The following CRHR2 variants were observed in gnomAD, a reference collection of about 807,000 sequenced individuals.
CRHR2 encodes corticotropin-releasing hormone receptor 2.
In CRHR2, 53 loss-of-function variants were observed where a neutral mutation model predicts 57.9. The ratio of observed to expected loss-of-function variants is 0.92; its 90% CI spans 0.73 to 1.15. The LOEUF (loss-of-function observed/expected upper bound fraction) is 1.15, where lower values mean the gene tolerates loss of function less well. CRHR2 is among the 50% of genes most tolerant of loss of function. The pLI is 0.00. For synonymous variants in CRHR2, 213 were observed against 220.9 expected, an observed-to-expected ratio of 0.96 and a Z score of 0.32; for missense variants, 532 against 542.6, an observed-to-expected ratio of 0.98 and a Z score of 0.19.
In CRHR2 at chr7:30,665,032, C is replaced by G. The variant is rs745790176; in HGVS notation, c.543+38G>C. 6.5e-7 allele frequency: 1 copy of G among 1,550,196 alleles called. No individual in the cohort carries two copies. The highest frequency in any genetic ancestry group is 1.1e-5 in the South Asian group (1 of 89,738). ...AGATGGGTGCCCCCGGAGCCCAGAGCCCCCCAGGTATAGCCCCGAGTCTCC... is the reference window on the plus strand; with the variant it reads ...AGATGGGTGCCCCCGGAGCCCAGAGGCCCCCAGGTATAGCCCCGAGTCTCC... On this transcript the variant is annotated intron_variant, in intron 5 of 11. Transcript: ENST00000471646. The surrounding 1 kb of genome is among the most constrained non-coding windows in gnomAD (Gnocchi z 4.5).
chr7:30,660,574 AG>A lies in CRHR2; in HGVS notation c.829del (p.Leu277Ter). On this transcript the variant is annotated frameshift_variant and splice_region_variant, in exon 8 of 12. Coordinates refer to ENST00000471646, the MANE Select transcript of CRHR2 (RefSeq NM_001883.5). LOFTEE classifies it high-confidence loss of function. Reference sequence around the variant, plus strand: ...TCCCAGCCACCGCTGAGGGCTTACCAGGAGCACGAGAATGATGGGGCCTTGG... The same window carrying A: ...TCCCAGCCACCGCTGAGGGCTTACCAGAGCACGAGAATGATGGGGCCTTGG... Reference protein sequence around the residue: ...IYQGPIILVLLINFVFLFNIV... With the variant: ...IYQGPIILVLXINFVFLFNIV... 6.4e-7 allele frequency: 1 copy of A among 1,561,758 alleles called. No individual in the cohort carries two copies. Among genetic ancestry groups the A allele is most frequent in the East Asian group, 2.4e-5 (1 of 41,962 alleles).
At chr7:30,694,865 G>C (rs1034511615) in intron 1 of CRHR2, among the ~76,000 whole-genome samples, 1 of 146,228 alleles carries the variant, frequency 6.8e-6, no homozygotes, top group East Asian at 2.0e-4. Context: ...GGGAAGAAAG[G>C]AGGAAGGAGG....
chr7:30,679,492 G>A (rs1784626639), intron 2 of CRHR2, among the ~76,000 whole-genome samples: 1 of 152,180 alleles, frequency 6.6e-6, no homozygotes, highest in African/African-American at 2.4e-5. Context: ...TGGATACAAA[G>A]CTCTCTCAGT....
intron 1 of CRHR2, among the ~76,000 whole-genome samples, chr7:30,694,865 G>A (rs1034511615): frequency 6.8e-6 from 1 of 146,228 alleles, no homozygotes; most frequent in African/African-American, 2.6e-5. Context: ...GGGAAGAAAG[G>A]AGGAAGGAGG....
At chr7:30,690,456 G>A (rs1784939257) in intron 1 of CRHR2, among the ~76,000 whole-genome samples, 1 of 152,054 alleles carries the variant, frequency 6.6e-6, no homozygotes, top group Non-Finnish European at 1.5e-5. Flanking sequence ...ACACGTGTGT[G>A]ACTTTTGTGC....
chr7:30,666,110 G>A (rs1460885716), intron 3 of CRHR2, among the ~76,000 whole-genome samples: 2 of 152,148 alleles, frequency 1.3e-5, no homozygotes, highest in East Asian at 3.9e-4. Context: ...TGCTTCTCCT[G>A]AGTTTAGTCT....
chr7:30,677,410 G>A (rs753289674), intron 2 of CRHR2, among the ~76,000 whole-genome samples: 5 of 152,116 alleles, frequency 3.3e-5, no homozygotes, highest in Non-Finnish European at 5.9e-5. Flanking sequence ...CCCCACTTCT[G>A]GCCAAACCAC....
At chr7:30,690,085 G>A (rs898964041) in intron 1 of CRHR2, among the ~76,000 whole-genome samples, 3 of 152,232 alleles carry the variant, frequency 2.0e-5, no homozygotes, top group Non-Finnish European at 2.9e-5. Flanking sequence ...GGATGTGCAC[G>A]GATAAAGTAG....
chr7:30,682,373 G>GCGGGGTC lies in CRHR2; in HGVS notation c.-100_-94dup. ...CGCGAGAGTGAGCGGCCGAGAGGGCGCGGGGTCCTGGCCCCCGCCAGCCCA... is the reference window on the plus strand; with the variant it reads ...CGCGAGAGTGAGCGGCCGAGAGGGCGCGGGGTCCGGGGTCCTGGCCCCCGCCAGCCCA... On this transcript the variant is annotated 5_prime_UTR_variant, in exon 1 of 12. Coordinates refer to ENST00000471646, the MANE Select transcript of CRHR2 (RefSeq NM_001883.5). 7.1e-7 allele frequency: 1 copy of GCGGGGTC among 1,410,682 alleles called. No homozygotes were observed. The highest frequency in any genetic ancestry group is 9.2e-7 in the Non-Finnish European group (1 of 1,085,408). The allele number at this position is 1,410,682 out of a possible 1,614,324, so 87.4% of individuals were successfully genotyped here.
intron 7 of CRHR2, among the ~76,000 whole-genome samples, chr7:30,661,913 G>C (rs1175456375): frequency 6.6e-6 from 1 of 151,900 alleles, no homozygotes; most frequent in Non-Finnish European, 1.5e-5. Context: ...TCATGCGTTG[G>C]GTCGGGGGGC....
upstream of CRHR2, among the ~76,000 whole-genome samples, chr7:30,683,799 A>G (rs549905216): frequency 1.3e-5 from 2 of 152,334 alleles, no homozygotes; most frequent in South Asian, 4.1e-4. Context: ...GCTGGAACCT[A>G]GTCTCAGAAA....
chr7:30,657,981 C>T (rs528895767), intron 8 of CRHR2, among the ~76,000 whole-genome samples: 9 of 152,214 alleles, frequency 5.9e-5, no homozygotes, highest in African/African-American at 1.2e-4. Flanking sequence ...CTGGCCCATC[C>T]GTCTATCCAT....
chr7:30,688,896 G>A, intron 2 of CRHR2: 1 of 538,718 alleles, frequency 1.9e-6, no homozygotes, highest in Non-Finnish European at 3.6e-6. Context: ...AAGCTGAGGG[G>A]TCATCCCCTT....
intron 5 of CRHR2, among the ~76,000 whole-genome samples, chr7:30,664,033 CCCT>C (rs1784101883): frequency 6.6e-6 from 1 of 152,198 alleles, no homozygotes; most frequent in Non-Finnish European, 1.5e-5. Flanking sequence ...GCTACCAAGC[CCCT>C]CCTCCCAACC....
chr7:30,673,382 A>T (rs374167198), intron 2 of CRHR2, among the ~76,000 whole-genome samples: 5 of 150,766 alleles, frequency 3.3e-5, no homozygotes, highest in African/African-American at 1.2e-4. Flanking sequence ...ATCATTTGTT[A>T]TTTTTTTGTT....
intron 11 of CRHR2, among the ~76,000 whole-genome samples, chr7:30,654,008 G>T (rs925637929): frequency 6.6e-6 from 1 of 152,002 alleles, no homozygotes; most frequent in African/African-American, 2.4e-5. Flanking sequence ...CACACACCTG[G>T]TGCGCCTCCT....
rs1437182305 is a variant in CRHR2, at chr7:30,665,490, G to C, written c.425+40C>G. ...GAGAGGTGAAGGGGGTGCTGTAGGG[G>C]GAGGGATGAGGAGAAAGCAAGGCGG... is the stretch of plus-strand genomic sequence containing the variant. On this transcript the variant is annotated intron_variant, in intron 4 of 11. Coordinates refer to ENST00000471646, the MANE Select transcript of CRHR2 (RefSeq NM_001883.5). The surrounding 1 kb of genome is among the most constrained non-coding windows in gnomAD (Gnocchi z 4.5). The C allele has an allele frequency of 6.8e-6, 10 of 1,480,194 alleles. No homozygotes were observed. Among genetic ancestry groups the C allele is most frequent in the Non-Finnish European group, 9.2e-6 (10 of 1,082,194 alleles). The allele number at this position is 1,480,194 out of a possible 1,614,324, so 91.7% of individuals were successfully genotyped here.
chr7:30,660,625 G>A lies in CRHR2; in HGVS notation c.779C>T (p.Pro260Leu). The A allele has an allele frequency of 6.4e-7, 1 of 1,571,238 alleles. No homozygotes were observed. The highest frequency in any genetic ancestry group is 8.6e-7 in the Non-Finnish European group (1 of 1,157,910). ...GTAGATGTAGTCCACCAGGTCGCCA[G>A]GCTCCTTGCCAAACCAGCACCTGTG... The part of the protein sequence containing the change: ...ENEQCWFGKE[P>L]GDLVDYIYQG... The change falls in exon 8 of 12, where the codon CCT becomes CTT. Residue 260 changes from proline to leucine, a missense_variant. By Grantham distance (98) the Pro-to-Leu change is moderately conservative (BLOSUM62 -3). Transcript: ENST00000471646.
At chr7:30,678,376 A>G (rs1335527035) in intron 2 of CRHR2, among the ~76,000 whole-genome samples, 1 of 152,190 alleles carries the variant, frequency 6.6e-6, no homozygotes, top group East Asian at 1.9e-4. Flanking sequence ...CCACAGTACA[A>G]ACATGTGGAA....
Sources: gnomAD v4.1 joint callset for allele counts (sites outside exome capture counted in the v4.1 genomes callset) on GRCh38, gnomAD v4.1.1 for gene constraint, Gnocchi (gnomAD v3.1) non-coding constraint, MANE v1.5 for transcripts, NCBI Gene and HGNC (gene_info 2026-07-23, HGNC 2026-07-21) for gene names.